The following RBFOX1 variants were observed in gnomAD, a reference collection of about 807,000 sequenced individuals.
The protein encoded by RBFOX1 is RNA binding fox-1 homolog 1.
A neutral mutation model predicts 57.7 loss-of-function variants in RBFOX1; 8 were observed. The observed-to-expected ratio is 0.14, with a 90% CI of 0.08 to 0.25. RBFOX1 has a LOEUF of 0.25. RBFOX1 is among the 10% of genes least tolerant of loss of function. RBFOX1 has a pLI of 1.00. For synonymous variants in RBFOX1, 326 were observed against 222.4 expected (o/e 1.47, Z -4.15); for missense variants, 611 against 548.5 (o/e 1.11, Z -1.14).
At chr16:7,083,171 G>C (rs1462552804) in intron 4 of RBFOX1, among the ~76,000 whole-genome samples, 2 of 152,056 alleles carry the variant, frequency 1.3e-5, no homozygotes, top group Non-Finnish European at 2.9e-5. Context: ...ATAATTTGCT[G>C]ACACCCCCCG....
chr16:7,543,548 C>A (rs1017537094), intron 5 of RBFOX1, among the ~76,000 whole-genome samples: 2 of 152,016 alleles, frequency 1.3e-5, no homozygotes, highest in African/African-American at 4.8e-5. Flanking sequence ...TGTGTGTGTA[C>A]CCCTGTGGTG....
intron 1 of RBFOX1, among the ~76,000 whole-genome samples, chr16:6,128,282 A>T (rs923229284): frequency 6.6e-6 from 1 of 152,160 alleles, no homozygotes; most frequent in African/African-American, 2.4e-5. Flanking sequence ...CTATTAGAAA[A>T]TTTAAAATCG....
chr16:6,121,864 A>G (rs1392403534), intron 1 of RBFOX1, among the ~76,000 whole-genome samples: 1 of 152,160 alleles, frequency 6.6e-6, no homozygotes, highest in Non-Finnish European at 1.5e-5. Context: ...TACCTGTAAA[A>G]TGCCTAAGAC....
intron 5 of RBFOX1, among the ~76,000 whole-genome samples, chr16:7,544,427 T>G (rs968113052): frequency 6.6e-6 from 1 of 152,190 alleles, no homozygotes; most frequent in Non-Finnish European, 1.5e-5. Flanking sequence ...GTAGATATAA[T>G]TAAATTAGAT....
At chr16:7,464,893 T>G (rs1347915521) in intron 4 of RBFOX1, among the ~76,000 whole-genome samples, 2 of 151,834 alleles carry the variant, frequency 1.3e-5, no homozygotes, top group Non-Finnish European at 2.9e-5. Context: ...GAGACGGGGT[T>G]TCACCGTGTT....
chr16:5,949,023 C>T (rs973284836), intron 4 of RBFOX1, among the ~76,000 whole-genome samples: 1 of 152,058 alleles, frequency 6.6e-6, no homozygotes, highest in Non-Finnish European at 1.5e-5. Flanking sequence ...TGTCTACGTG[C>T]GTCATATACA....
chr16:6,317,030 C>G lies in RBFOX1; in HGVS notation c.-91C>G, dbSNP rs1207516698. On this transcript the variant is annotated 5_prime_UTR_variant, in exon 2 of 16. Transcript: ENST00000550418. The stretch of plus-strand genomic sequence containing the variant: ...AAAGAACTCATGCAAGTGGAACTTA[C>G]AGCTTCCTTGATCGGACTCAGCATT... 2 of 1,535,530 alleles carry G rather than the reference C, an allele frequency of 1.3e-6. No individual in the cohort carries two copies.
At chr16:6,826,461 C>G (rs537980480) in intron 3 of RBFOX1, among the ~76,000 whole-genome samples, 10 of 152,206 alleles carry the variant, frequency 6.6e-5, no homozygotes, top group African/African-American at 1.9e-4. Context: ...TGTTAAGAGG[C>G]TTAGAGATGA....
intron 3 of RBFOX1, among the ~76,000 whole-genome samples, chr16:7,011,603 T>A (rs1183467032): frequency 6.6e-6 from 1 of 152,166 alleles, no homozygotes; most frequent in African/African-American, 2.4e-5. Flanking sequence ...AAGCTCCGCA[T>A]CCCGGGTTCA....
At chr16:6,335,158 T>A (rs2083476319) in intron 2 of RBFOX1, among the ~76,000 whole-genome samples, 1 of 152,228 alleles carries the variant, frequency 6.6e-6, no homozygotes, top group African/African-American at 2.4e-5. Context: ...TGGATTCTGT[T>A]GCAAATGACA....
chr16:5,358,564 C>G (rs1323171304), intron 1 of RBFOX1, among the ~76,000 whole-genome samples: 1 of 152,158 alleles, frequency 6.6e-6, no homozygotes, highest in East Asian at 1.9e-4. Context: ...AAAAATGCAC[C>G]TGTAATCCCA....
Position 6,097,962 on chromosome 16 carries a change from C to T in RBFOX1, c.-127+77970C>T, listed in dbSNP as rs1016609681. Among the ~76,000 whole-genome samples the T allele has an allele frequency of 1.3e-5, 2 of 152,104 alleles. No homozygotes were observed. The highest frequency in any genetic ancestry group is 2.9e-5 in the Non-Finnish European group (2 of 68,026). On this transcript the variant is annotated intron_variant, in intron 1 of 15. Transcript: ENST00000550418. The surrounding 1 kb of genome is among the most constrained non-coding windows in gnomAD (Gnocchi z 5.0). ...TTTTAAACCATAGATGATCAGGGCC[C>T]CTGCTTGGTCTAGGATGGAGCCTGC... is the stretch of plus-strand genomic sequence containing the variant.
chr16:6,136,021 C>T (rs943458404), intron 1 of RBFOX1, among the ~76,000 whole-genome samples: 4 of 152,086 alleles, frequency 2.6e-5, no homozygotes, highest in African/African-American at 7.2e-5. Context: ...TCTCGAACTC[C>T]TGACCTCAAG....
intron 4 of RBFOX1, among the ~76,000 whole-genome samples, chr16:7,477,792 G>C (rs1054582964): frequency 6.6e-6 from 1 of 152,094 alleles, no homozygotes; most frequent in Admixed American, 6.6e-5. Context: ...CACACAGCTG[G>C]GGGGAAGGTA....
At chr16:6,568,835 C>A (rs1381258228) in intron 2 of RBFOX1, among the ~76,000 whole-genome samples, 1 of 152,074 alleles carries the variant, frequency 6.6e-6, no homozygotes, top group Non-Finnish European at 1.5e-5. Context: ...GTGGCGCGAT[C>A]TCGGCTCACT....
chr16:7,690,502 A>C (rs1006982731), intron 14 of RBFOX1, among the ~76,000 whole-genome samples: 1 of 152,058 alleles, frequency 6.6e-6, no homozygotes, highest in Admixed American at 6.6e-5. Flanking sequence ...TAAGGAACAG[A>C]CCAGTTTGTG....
At chr16:7,221,908 A>C (rs1298493537) in intron 4 of RBFOX1, among the ~76,000 whole-genome samples, 1 of 152,236 alleles carries the variant, frequency 6.6e-6, no homozygotes, top group Non-Finnish European at 1.5e-5. Context: ...TTCATGTCCA[A>C]CCACAAAATG....
intron 1 of RBFOX1, among the ~76,000 whole-genome samples, chr16:6,295,883 A>G (rs1224214457): frequency 6.6e-6 from 1 of 152,192 alleles, no homozygotes; most frequent in East Asian, 1.9e-4. Flanking sequence ...GATCCTTGGC[A>G]CCGATAATGT....
At chr16:7,597,188 G>A (rs897660126) in intron 8 of RBFOX1, 183 bp from the exon 9 acceptor site, 11 of 502,476 alleles carry the variant, frequency 2.2e-5, no homozygotes, top group African/African-American at 2.2e-4. Context: ...AAACGGTTAT[G>A]AAGTAAATGT....
Sources: gnomAD v4.1 joint callset for allele counts (sites outside exome capture counted in the v4.1 genomes callset) on GRCh38, gnomAD v4.1.1 for gene constraint, Gnocchi (gnomAD v3.1) non-coding constraint, MANE v1.5 for transcripts, NCBI Gene and HGNC (gene_info 2026-07-23, HGNC 2026-07-21) for gene names.